Variants in MUC22 observed in about 807,000 individuals in gnomAD.
The protein encoded by MUC22 is mucin-22.
MUC22 carries 24 observed loss-of-function variants against 40.3 expected under a neutral mutation model. The ratio of observed to expected loss-of-function variants is 0.60; its 90% CI spans 0.43 to 0.84. The LOEUF is 0.84. Ranked by LOEUF, MUC22 falls within the 40% of genes least tolerant of loss-of-function variation. The pLI is 0.00. For missense variants in MUC22, 1,926 were observed against 2,130.7 expected (o/e 0.90, Z 1.89); for synonymous variants, 765 against 844.5 (o/e 0.91, Z 1.63).
chr6:31,010,907 T>C, intron 1 of MUC22, 131 bp downstream of exon 1: 1 of 603,158 alleles, frequency 1.7e-6, no homozygotes, highest in Non-Finnish European at 2.9e-6. Context: ...TTTTTTTTTT[T>C]TTTGCCCATT....
chr6:31,016,602 AG>A (rs564307080), intron 1 of MUC22, among the ~76,000 whole-genome samples: 79 of 152,374 alleles, frequency 5.2e-4, no homozygotes, highest in African/African-American at 1.8e-3. Context: ...TTAATTGCAT[AG>A]TTTCAGTAAA....
chr6:31,022,480 G>A (rs1764922538), intron 1 of MUC22, among the ~76,000 whole-genome samples: 1 of 151,946 alleles, frequency 6.6e-6, no homozygotes, highest in Non-Finnish European at 1.5e-5. Context: ...AAATGTAAAA[G>A]TTCTTCAGGA....
exon 2 of MUC22, chr6:31,026,817 A>C: frequency 6.7e-7 from 1 of 1,497,782 alleles, no homozygotes; most frequent in Non-Finnish European, 8.9e-7. Flanking sequence ...TCTCCACCAC[A>C]GGCTCTGAGA....
rs1765430529 is a variant in MUC22, at chr6:31,026,907, A to G, written c.1476A>G (p.Ala492=). ...CTGAGACCACCAAAGTCTCAACTGC[A>G]GGCTCTGAGACCACAGTCTCCACTG... is the stretch of plus-strand genomic sequence containing the variant. Residue 492 remains alanine, a synonymous_variant, in exon 2 of 4, where the codon GCA becomes GCG. Transcript: ENST00000561890. 10 of 1,505,256 alleles carry G rather than the reference A, an allele frequency of 6.6e-6. 2 individuals are homozygous for G. The highest frequency in any genetic ancestry group is 1.2e-5 in the South Asian group (1 of 81,978). The allele number at this position is 1,505,256 out of a possible 1,614,324, so 93.2% of individuals were successfully genotyped here. A position where few individuals can be genotyped will look rare whatever the true frequency, so the allele number is the denominator to read the frequency against.
rs541290459 is a variant in MUC22, at chr6:31,029,258, C to T, written c.3827C>T (p.Thr1276Ile). The T allele has an allele frequency of 2.6e-6, 4 of 1,535,370 alleles. No homozygotes were observed. The South Asian group carries it at 4.8e-5, about 18-fold the overall frequency. The change falls in exon 2 of 4, where the codon ACC becomes ATC. Residue 1276 changes from threonine to isoleucine, a missense_variant. Coordinates refer to ENST00000561890, the Ensembl canonical transcript of MUC22. ...GTCTCTACCACAGGCACTGAGACTA[C>T]CATCACCTCTACTGAAGGTTCAGAG...
intron 3 of MUC22, 25 bp from the exon 4 acceptor site, chr6:31,034,647 C>A: frequency 6.6e-7 from 1 of 1,508,838 alleles, no homozygotes; most frequent in South Asian, 1.2e-5. Context: ...TTTCATTTAT[C>A]AATGTATTTA....
exon 2 of MUC22, chr6:31,026,169 G>T: frequency 6.6e-7 from 1 of 1,524,022 alleles, no homozygotes; most frequent in African/African-American, 1.4e-5. Flanking sequence ...CAGACTCCAA[G>T]GTGATCACGG....
chr6:31,032,122 C>G lies in MUC22; in HGVS notation c.4670-74C>G. 6.9e-7 allele frequency: 1 copy of G among 1,449,652 alleles called. No homozygotes were observed. The highest frequency in any genetic ancestry group is 9.1e-7 in the Non-Finnish European group (1 of 1,096,318). 89.8% of individuals were successfully genotyped at this position (1,449,652 alleles called of 1,614,324 possible). A position where few individuals can be genotyped will look rare whatever the true frequency, so the allele number is the denominator to read the frequency against. Reference sequence around the variant, plus strand: ...ATAGGTTTGTTAGATTCACCCTCCTCTGGTCTAAGCACCCCCATTCCCCTT... The same window carrying G: ...ATAGGTTTGTTAGATTCACCCTCCTGTGGTCTAAGCACCCCCATTCCCCTT... On this transcript the variant is annotated intron_variant, in intron 2 of 3. Transcript: ENST00000561890. This position sits in a 1 kb window ranked among gnomAD's most constrained non-coding sequence, Gnocchi z 4.1.
At chr6:31,021,571 C>A (rs1324489308) in intron 1 of MUC22, among the ~76,000 whole-genome samples, 4 of 136,810 alleles carry the variant, frequency 2.9e-5, no homozygotes, top group Admixed American at 6.9e-5. Flanking sequence ...CCAATCAGCA[C>A]CCTGTGTTTA....
At chr6:31,035,043 G>T in exon 4 of MUC22, 1 of 1,160,216 alleles carries the variant, frequency 8.6e-7, no homozygotes, top group Non-Finnish European at 1.2e-6. Context: ...GGGTGGGAGG[G>T]GGTCATGGAG....
At chr6:31,010,986 G>A (rs1056876891) in intron 1 of MUC22, among the ~76,000 whole-genome samples, 5 of 149,432 alleles carry the variant, frequency 3.3e-5, no homozygotes, top group Admixed American at 2.0e-4. Flanking sequence ...AAGCAAATCT[G>A]TATTAGTCTC....
At chr6:31,035,087 T>G (rs547607232) in exon 4 of MUC22, 39 of 866,640 alleles carry the variant, frequency 4.5e-5, no homozygotes, top group Non-Finnish European at 6.4e-5. Context: ...ATAATTAAAA[T>G]GGAGCATAGG....
chr6:31,025,709 C>T (rs919930187), exon 2 of MUC22: 1 of 1,530,790 alleles, frequency 6.5e-7, no homozygotes, highest in Non-Finnish European at 8.7e-7. Context: ...GGCTCTGAGA[C>T]CAACACGGCC....
At chr6:31,017,267 T>C (rs989076529) in intron 1 of MUC22, among the ~76,000 whole-genome samples, 1 of 152,196 alleles carries the variant, frequency 6.6e-6, no homozygotes, top group African/African-American at 2.4e-5. Flanking sequence ...GGCTCCTGAG[T>C]GTAGTGGGGA....
chr6:31,027,759 C>CACAGTCTCT (rs1236836515), exon 2 of MUC22: 1 of 1,530,586 alleles, frequency 6.5e-7, no homozygotes, highest in African/African-American at 1.4e-5. Context: ...CTGAGATGAC[C>CACAGTCTCT]ACAGTCTCTA....
In MUC22 at chr6:31,026,605, G is replaced by GCAGGCTCTGAGAC. The variant is rs1765379630; in HGVS notation, c.1177_1189dup (p.Thr397ArgfsTer3). The GCAGGCTCTGAGAC allele has an allele frequency of 5.3e-6, 8 of 1,504,452 alleles. 1 individual carries two copies. Among genetic ancestry groups the GCAGGCTCTGAGAC allele is most frequent in the Non-Finnish European group, 7.1e-6 (8 of 1,127,658 alleles). The allele number at this position is 1,504,452 out of a possible 1,614,324, so 93.2% of individuals were successfully genotyped here. A position where few individuals can be genotyped will look rare whatever the true frequency, so the allele number is the denominator to read the frequency against. ...CTCTGAGACCACCGTCACCTCTACT[G>GCAGGCTCTGAGAC]CAGGCTCTGAGACCACCACAGTCTC... On this transcript the variant is annotated frameshift_variant, in exon 2 of 4. Coordinates refer to ENST00000561890, the Ensembl canonical transcript of MUC22. LOFTEE classifies it high-confidence loss of function.
At chr6:31,010,404 A>G, upstream of MUC22, 1 of 348,960 alleles carries the variant, frequency 2.9e-6, no homozygotes, top group East Asian at 5.1e-5. Context: ...CTCCCTGGGG[A>G]GGGAGGACCC....
At chr6:31,016,128 CTTACT>C (rs1764181010) in intron 1 of MUC22, among the ~76,000 whole-genome samples, 1 of 127,984 alleles carries the variant, frequency 7.8e-6, no homozygotes, top group Non-Finnish European at 1.7e-5. Flanking sequence ...GATGGCATCT[CTTACT>C]TTTTTTTTTT....
Position 31,027,523 on chromosome 6 carries a change from G to A in MUC22, c.2092G>A (p.Ala698Thr), listed in dbSNP as rs951099929. The A allele has an allele frequency of 2.6e-6, 4 of 1,530,282 alleles. 1 individual carries two copies. Among genetic ancestry groups the A allele is most frequent in the African/African-American group, 1.4e-5 (1 of 72,626 alleles). The allele number at this position is 1,530,282 out of a possible 1,614,324, so 94.8% of individuals were successfully genotyped here. Residue 698 changes from alanine to threonine, a missense_variant, in exon 2 of 4, where the codon GCC (alanine) becomes ACC (threonine). Transcript: ENST00000561890. ...TACTGAAGGCTCTGAGATCACAATAGCCTCTACTTCAGACTCTGAGACCAC... is the reference window on the plus strand; with the variant it reads ...TACTGAAGGCTCTGAGATCACAATAACCTCTACTTCAGACTCTGAGACCAC...
Sources: gnomAD v4.1 joint callset for allele counts (sites outside exome capture counted in the v4.1 genomes callset) on GRCh38, gnomAD v4.1.1 for gene constraint, Gnocchi (gnomAD v3.1) non-coding constraint, MANE v1.5 for transcripts, NCBI Gene and HGNC (gene_info 2026-07-23, HGNC 2026-07-21) for gene names.